Variants in SLC7A13 observed in about 807,000 individuals in gnomAD.
The protein encoded by SLC7A13 is X-amino acid transporter 2.
A neutral mutation model predicts 32.0 loss-of-function variants in SLC7A13; 31 were observed. That is an observed-to-expected ratio of 0.97 (90% CI 0.73 to 1.31). The LOEUF (loss-of-function observed/expected upper bound fraction) is 1.31. SLC7A13 is among the 50% of genes most tolerant of loss of function. SLC7A13 has a pLI of 0.00. For synonymous variants in SLC7A13, 232 were observed against 206.9 expected, an observed-to-expected ratio of 1.12 and a Z score of -1.04; for missense variants, 633 against 546.9, an observed-to-expected ratio of 1.16 and a Z score of -1.57.
rs1206715948 is a variant in SLC7A13, at chr8:86,230,147, A to C, written c.131T>G (p.Met44Arg). The change falls in exon 1 of 4, where the codon ATG becomes AGG. Residue 44 changes from methionine (M) to arginine (R), a missense_variant. Transcript: ENST00000297524. Reference protein sequence around the residue: ...SPKGVLAYSCMNVGVSLCVWA... With the variant: ...SPKGVLAYSCRNVGVSLCVWA... ...AACGCACAGGGAGACTCCCACGTTC[A>C]TGCAAGAGTATGCCAACACACCTTT... The C allele has an allele frequency of 4.3e-6, 7 of 1,614,206 alleles. No homozygotes were observed. The highest frequency in any genetic ancestry group is 5.9e-6 in the Non-Finnish European group (7 of 1,180,032).
At chr8:86,214,730 G>T in intron 3 of SLC7A13, 84 bp from the exon 4 acceptor site, 2 of 1,012,598 alleles carry the variant, frequency 2.0e-6, no homozygotes, top group Non-Finnish European at 2.8e-6. Context: ...AAAATGCAAA[G>T]ATACAAGCTA....
At position 86,230,244 on chromosome 8, in the gene SLC7A13, C is replaced by G. The variant is rs768681069; in HGVS notation, c.34G>C (p.Val12Leu). ...CTTGTGCCCCACCAATATCCAAACA[C>G]TCTCTTGAGCTGTATTTTCTCCCCT... ...DRGEKIQLKRVFGYWWGTSFL... is the reference protein window; with the variant it reads ...DRGEKIQLKRLFGYWWGTSFL... The change falls in exon 1 of 4, where the codon GTG becomes CTG. Residue 12 changes from valine (V) to leucine (L), a missense_variant. Physicochemically the swap from Val to Leu is conservative, Grantham distance 32. Coordinates refer to ENST00000297524, the MANE Select transcript of SLC7A13 (RefSeq NM_138817.3). 1.2e-6 allele frequency: 2 copies of G among 1,607,956 alleles called. No homozygotes were observed. The highest frequency in any genetic ancestry group is 2.2e-5 in the South Asian group (2 of 90,130).
At chr8:86,215,697 A>C (rs769612330) in intron 3 of SLC7A13, 1 of 447,402 alleles carries the variant, frequency 2.2e-6, no homozygotes, top group South Asian at 1.6e-5. Context: ...CTCTGTCTCA[A>C]AAAAAAGAAA....
At chr8:86,224,233 C>G (rs1022858793) in intron 1 of SLC7A13, among the ~76,000 whole-genome samples, 2 of 152,168 alleles carry the variant, frequency 1.3e-5, no homozygotes, top group Non-Finnish European at 2.9e-5. Context: ...TATAGACTGA[C>G]TGGCCTTTGC....
intron 1 of SLC7A13, among the ~76,000 whole-genome samples, chr8:86,225,950 C>T (rs974408808): frequency 3.3e-5 from 5 of 151,950 alleles, no homozygotes; most frequent in African/African-American, 1.2e-4. Context: ...ATGGGTATTC[C>T]TACACCTTGC....
intron 3 of SLC7A13, 38 bp from the exon 4 acceptor site, chr8:86,214,684 A>G: frequency 6.9e-7 from 1 of 1,442,182 alleles, no homozygotes; most frequent in Non-Finnish European, 9.6e-7. Flanking sequence ...TTGGATATGA[A>G]CATCCATGAA....
chr8:86,216,492 A>G (rs1463413221), intron 3 of SLC7A13, among the ~76,000 whole-genome samples: 10 of 152,188 alleles, frequency 6.6e-5, no homozygotes, highest in African/African-American at 2.4e-4. Flanking sequence ...CTTAAAATAT[A>G]GTTGCTTCTT....
chr8:86,224,734 G>A (rs779624783), intron 1 of SLC7A13, among the ~76,000 whole-genome samples: 24 of 152,084 alleles, frequency 1.6e-4, no homozygotes, highest in Non-Finnish European at 2.6e-4. Context: ...ACAGACATCC[G>A]ATCCACTGGA....
rs368361188 is a variant in SLC7A13, at chr8:86,229,822, A to G, written c.456T>C (p.Gly152=). 13 of 1,614,060 alleles carry G rather than the reference A, an allele frequency of 8.1e-6. No homozygotes were observed. The highest frequency in any genetic ancestry group is 1.1e-5 in the Non-Finnish European group (13 of 1,180,044). Residue 152 remains glycine (G), a synonymous_variant, in exon 1 of 4, where the codon GGT becomes GGC. Coordinates refer to ENST00000297524, the MANE Select transcript of SLC7A13 (RefSeq NM_138817.3). ...LWIVGILTSR[G]VKEVTWLQIA... ...TCTGAAGCCAAGTCACTTCTTTCAC[A>G]CCACGAGAAGTCAGAATTCCTACAA...
chr8:86,227,445 C>A (rs1209468539), intron 1 of SLC7A13, among the ~76,000 whole-genome samples: 2 of 152,162 alleles, frequency 1.3e-5, no homozygotes, highest in African/African-American at 2.4e-5. Flanking sequence ...AAGATGAAAA[C>A]TTCTGTCTAA....
chr8:86,229,349 C>T (rs531705307), intron 1 of SLC7A13, among the ~76,000 whole-genome samples: 1 of 152,126 alleles, frequency 6.6e-6, no homozygotes, highest in East Asian at 1.9e-4. Context: ...AAGTCCCATA[C>T]CTGTGGTCCC....
intron 3 of SLC7A13, chr8:86,215,442 C>T (rs1398795222): frequency 5.0e-6 from 1 of 201,450 alleles, no homozygotes; most frequent in Non-Finnish European, 1.0e-5. Flanking sequence ...AATCCCAACA[C>T]TTTGTGAGGT....
At chr8:86,217,174 G>C (rs1820197397) in intron 3 of SLC7A13, among the ~76,000 whole-genome samples, 1 of 152,074 alleles carries the variant, frequency 6.6e-6, no homozygotes, top group South Asian at 2.1e-4. Flanking sequence ...TGCATGACTA[G>C]TTACATAAGT....
intron 2 of SLC7A13, among the ~76,000 whole-genome samples, chr8:86,219,161 T>C (rs1044563549): frequency 6.6e-6 from 1 of 152,170 alleles, no homozygotes; most frequent in African/African-American, 2.4e-5. Flanking sequence ...CTCAGGAAGA[T>C]ATTGTTGGTT....
Position 86,217,343 on chromosome 8 carries a change from C to G in SLC7A13, c.1179+127G>C, listed in dbSNP as rs76711632. On this transcript the variant is annotated intron_variant, in intron 3 of 3. Coordinates refer to ENST00000297524, the MANE Select transcript of SLC7A13 (RefSeq NM_138817.3). Reference sequence around the variant, plus strand: ...AAATTAAAACCAAGACTAGATTATTCTCATGTGTTTCACAGTAACTGAGTA... The same window carrying G: ...AAATTAAAACCAAGACTAGATTATTGTCATGTGTTTCACAGTAACTGAGTA... 5.1e-5 allele frequency: 45 copies of G among 877,080 alleles called. No homozygotes were observed. In the African/African-American group the frequency reaches 7.6e-4, roughly 15 times the overall value. The allele number at this position is 877,080 out of a possible 1,614,324, so 54.3% of individuals were successfully genotyped here.
chr8:86,215,602 CT>C (rs1446010214), intron 3 of SLC7A13: 1 of 393,552 alleles, frequency 2.5e-6, no homozygotes, highest in Admixed American at 3.2e-5. Context: ...AGGAGAATCT[CT>C]TGAACCCAGG....
intron 2 of SLC7A13, among the ~76,000 whole-genome samples, chr8:86,222,056 C>T (rs1820305997): frequency 6.6e-6 from 1 of 152,214 alleles, no homozygotes; most frequent in Non-Finnish European, 1.5e-5. Flanking sequence ...CCTAAGATAG[C>T]TAGACCATTA....
chr8:86,229,570 T>G, intron 1 of SLC7A13, 23 bp downstream of exon 1: 2 of 1,581,724 alleles, frequency 1.3e-6, no homozygotes, highest in Non-Finnish European at 1.7e-6. Flanking sequence ...GATTTTAGAT[T>G]TTTTTCCTCA....
intron 3 of SLC7A13, among the ~76,000 whole-genome samples, chr8:86,216,982 C>T (rs147271110): frequency 6.6e-6 from 1 of 152,266 alleles, no homozygotes; most frequent in Non-Finnish European, 1.5e-5. Flanking sequence ...GTCTCCTCTC[C>T]TGTGAAAAGT....
Sources: allele counts gnomAD v4.1 joint callset (sites outside exome capture counted in the v4.1 genomes callset), GRCh38; gene constraint gnomAD v4.1.1; transcripts MANE v1.5; gene names NCBI Gene and HGNC (gene_info 2026-07-23, HGNC 2026-07-21).